AP2M1: variants seen among roughly 807,000 people sequenced by gnomAD.
The protein encoded by AP2M1 is AP-2 complex subunit mu.
A neutral mutation model predicts 54.5 loss-of-function variants in AP2M1; 5 were observed. That is an observed-to-expected ratio of 0.09 (90% CI 0.05 to 0.19). AP2M1 has a LOEUF of 0.19. Among genes scored for constraint, AP2M1 ranks in the 10% least tolerant of loss-of-function variants. The probability of loss-of-function intolerance (pLI) is 1.00; values close to 1 mark genes in which losing one functional copy is unlikely to be tolerated. For missense variants in AP2M1, 178 were observed against 580.2 expected (o/e 0.31, Z 7.12); for synonymous variants, 186 against 208.2 (o/e 0.89, Z 0.92).
chr3:184,177,501 G>GC (rs1237654749), intron 2 of AP2M1: 1 of 1,514,612 alleles, frequency 6.6e-7, no homozygotes, highest in Non-Finnish European at 8.9e-7. Flanking sequence ...TCTGTTGAAA[G>GC]CCCCTCCAGG....
Position 184,180,495 on chromosome 3 carries a change from G to C in AP2M1, c.424-150G>C. 7.8e-7 allele frequency: 1 copy of C among 1,279,026 alleles called. No individual in the cohort carries two copies. Among genetic ancestry groups the C allele is most frequent in the Non-Finnish European group, 1.1e-6 (1 of 906,966 alleles). 79.2% of individuals were successfully genotyped at this position (1,279,026 alleles called of 1,614,324 possible). The stretch of plus-strand genomic sequence containing the variant: ...CAGTTTCCTTTTGCACTGAGGGGTG[G>C]GGGAGGAGGCCTGGTCTTGAGGCCT... On this transcript the variant is annotated intron_variant, in intron 4 of 11. Transcript: ENST00000292807. This position sits in a 1 kb window ranked among gnomAD's most constrained non-coding sequence, Gnocchi z 4.9.
Position 184,181,329 on chromosome 3 carries a change from G to A in AP2M1, c.707+103G>A, listed in dbSNP as rs368887600. On this transcript the variant is annotated intron_variant, in intron 7 of 11. Coordinates refer to ENST00000292807, the MANE Select transcript of AP2M1 (RefSeq NM_004068.4). This position sits in a 1 kb window ranked among gnomAD's most constrained non-coding sequence, Gnocchi z 5.7. ...TCTGGATTTCATTCCCACTGTAATT[G>A]CAAACTCTGTTCCTGACGGTAAGCC... 1 of 1,529,258 alleles carries A rather than the reference G, an allele frequency of 6.5e-7. No homozygotes were observed. The highest frequency in any genetic ancestry group is 8.9e-7 in the Non-Finnish European group (1 of 1,118,960). The allele number at this position is 1,529,258 out of a possible 1,614,324, so 94.7% of individuals were successfully genotyped here. A position where few individuals can be genotyped will look rare whatever the true frequency, so the allele number is the denominator to read the frequency against.
At chr3:184,175,127 CG>C in intron 1 of AP2M1, 168 bp downstream of exon 1, 1 of 395,612 alleles carries the variant, frequency 2.5e-6, no homozygotes, top group Non-Finnish European at 4.5e-6. Context: ...CGGGGGCGCC[CG>C]GGGCGCGATT....
rs1471881052 is a variant in AP2M1, at chr3:184,176,850, G to C, written c.-43-101G>C. 34 of 761,268 alleles carry C rather than the reference G, an allele frequency of 4.5e-5. No homozygotes were observed. In the South Asian group the frequency reaches 6.6e-4, roughly 15 times the overall value. The allele number at this position is 761,268 out of a possible 1,614,324, so 47.2% of individuals were successfully genotyped here. A position where few individuals can be genotyped will look rare whatever the true frequency, so the allele number is the denominator to read the frequency against. ...GAGGGCTGCAGGGTCACTTACTAAA[G>C]GGTTGAGTCAGGAAAGAAGCTCCAG... is the stretch of plus-strand genomic sequence containing the variant. On this transcript the variant is annotated intron_variant, in intron 1 of 11. Transcript: ENST00000292807.
At chr3:184,177,561 C>CT in intron 2 of AP2M1, 1 of 1,536,018 alleles carries the variant, frequency 6.5e-7, no homozygotes, top group African/African-American at 1.4e-5. Context: ...AGGCTGCTGA[C>CT]TCAGCTGTCT....
Position 184,182,993 on chromosome 3 carries a change from A to C in AP2M1, c.1173+125A>C. The C allele has an allele frequency of 1.2e-6, 1 of 807,332 alleles. No individual in the cohort carries two copies. The highest frequency in any genetic ancestry group is 2.1e-6 in the Non-Finnish European group (1 of 470,382). The allele number at this position is 807,332 out of a possible 1,614,324, so 50.0% of individuals were successfully genotyped here. A position where few individuals can be genotyped will look rare whatever the true frequency, so the allele number is the denominator to read the frequency against. ...AGGCCTAGAAAGAAGAACTGGCTTTAATTCATAGATCCATTCTTCCCCTTT... is the reference window on the plus strand; with the variant it reads ...AGGCCTAGAAAGAAGAACTGGCTTTCATTCATAGATCCATTCTTCCCCTTT... On this transcript the variant is annotated intron_variant, in intron 11 of 11. Coordinates refer to ENST00000292807, the MANE Select transcript of AP2M1 (RefSeq NM_004068.4). The surrounding 1 kb of genome is among the most constrained non-coding windows in gnomAD (Gnocchi z 5.5).
intron 1 of AP2M1, among the ~76,000 whole-genome samples, chr3:184,176,539 C>G (rs1198005580): frequency 6.6e-6 from 1 of 152,194 alleles, no homozygotes; most frequent in Non-Finnish European, 1.5e-5. Context: ...CAGGCCTGAA[C>G]CAACTGGAGT....
Position 184,178,728 on chromosome 3 carries a change from GCTTTCTTTGGAGTGT to G in AP2M1, c.75-128_75-114del. ...AACCACTCCAGTGGTTTAGGCATTGGCTTTCTTTGGAGTGTGTGTGTCAGACTTCTGCAGAAAGGA... is the reference window on the plus strand; with the variant it reads ...AACCACTCCAGTGGTTTAGGCATTGGGTGTGTCAGACTTCTGCAGAAAGGA... On this transcript the variant is annotated intron_variant, in intron 2 of 11. Coordinates refer to ENST00000292807, the MANE Select transcript of AP2M1 (RefSeq NM_004068.4). This position sits in a 1 kb window ranked among gnomAD's most constrained non-coding sequence, Gnocchi z 4.9. 1 of 1,214,534 alleles carries G rather than the reference GCTTTCTTTGGAGTGT, an allele frequency of 8.2e-7. No homozygotes were observed. The highest frequency in any genetic ancestry group is 1.1e-6 in the Non-Finnish European group (1 of 873,998). 75.2% of individuals were successfully genotyped at this position (1,214,534 alleles called of 1,614,324 possible).
In AP2M1 at chr3:184,183,079, G is replaced by A; in HGVS notation, c.1173+211G>A. ...GCAAATCTTTTACTTCTCTCGGCTT[G>A]TCCTAACACAGTTCTTTCAAAAAAC... On this transcript the variant is annotated intron_variant, in intron 11 of 11. Transcript: ENST00000292807. The surrounding 1 kb of genome is among the most constrained non-coding windows in gnomAD (Gnocchi z 5.7). 3.3e-6 allele frequency: 2 copies of A among 609,782 alleles called. No individual in the cohort carries two copies. Among genetic ancestry groups the A allele is most frequent in the East Asian group, 2.9e-5 (1 of 35,010 alleles). 37.8% of individuals were successfully genotyped at this position (609,782 alleles called of 1,614,324 possible).
chr3:184,183,263 C>T lies in AP2M1; in HGVS notation c.1174-219C>T, dbSNP rs1395777415. 5.4e-5 allele frequency: 33 copies of T among 608,670 alleles called. 1 individual carries two copies. Among genetic ancestry groups the T allele is most frequent in the South Asian group, 3.5e-4 (17 of 48,684 alleles). 37.7% of individuals were successfully genotyped at this position (608,670 alleles called of 1,614,324 possible). On this transcript the variant is annotated intron_variant, in intron 11 of 11. Transcript: ENST00000292807. The surrounding 1 kb of genome is among the most constrained non-coding windows in gnomAD (Gnocchi z 5.7). Reference sequence around the variant, plus strand: ...ATGTTCTAAAGCAGTTCTTTGGTTGCTGTCTCCTGCTGATTAAAGGAACTG... The same window carrying T: ...ATGTTCTAAAGCAGTTCTTTGGTTGTTGTCTCCTGCTGATTAAAGGAACTG...
At chr3:184,175,064 CA>C in intron 1 of AP2M1, 105 bp downstream of exon 1, 3 of 397,106 alleles carry the variant, frequency 7.6e-6, no homozygotes, top group Non-Finnish European at 1.3e-5. Context: ...GAAAGCTGCC[CA>C]CACCCGGGAG....
chr3:184,176,916 G>A (rs1230728819), intron 1 of AP2M1, 35 bp from the exon 2 acceptor site: 4 of 1,470,672 alleles, frequency 2.7e-6, no homozygotes. Flanking sequence ...CAGCGATTCT[G>A]AGGTCTTCTT....
Position 184,182,609 on chromosome 3 carries a change from A to C in AP2M1, c.1062-148A>C. 1 of 648,104 alleles carries C rather than the reference A, an allele frequency of 1.5e-6. No homozygotes were observed. The highest frequency in any genetic ancestry group is 2.7e-6 in the Non-Finnish European group (1 of 368,638). 40.1% of individuals were successfully genotyped at this position (648,104 alleles called of 1,614,324 possible). A position where few individuals can be genotyped will look rare whatever the true frequency, so the allele number is the denominator to read the frequency against. On this transcript the variant is annotated intron_variant, in intron 10 of 11. Transcript: ENST00000292807. The surrounding 1 kb of genome is among the most constrained non-coding windows in gnomAD (Gnocchi z 5.5). ...TCTAAAGAAGTAGACCCAAGTTTCC[A>C]TAGCAAGTGGTTAGCAGGGTCCTGA...
intron 3 of AP2M1, chr3:184,179,462 A>G: frequency 6.5e-6 from 2 of 307,424 alleles, no homozygotes; most frequent in South Asian, 7.4e-5. Flanking sequence ...TTTCCATCTC[A>G]GCAGCTGCTT....
chr3:184,176,782 T>C (rs1560125105), intron 1 of AP2M1, 169 bp from the exon 2 acceptor site: 1 of 535,938 alleles, frequency 1.9e-6, no homozygotes, highest in Non-Finnish European at 3.3e-6. Flanking sequence ...TAGTGTGGAA[T>C]AAACAGGAAC....
Position 184,183,328 on chromosome 3 carries a change from C to G in AP2M1, c.1174-154C>G. 8.8e-7 allele frequency: 1 copy of G among 1,140,144 alleles called. No homozygotes were observed. Among genetic ancestry groups the G allele is most frequent in the South Asian group, 1.5e-5 (1 of 66,324 alleles). The allele number at this position is 1,140,144 out of a possible 1,614,324, so 70.6% of individuals were successfully genotyped here. Reference sequence around the variant, plus strand: ...AGGTAGGGCTTTCTTCTTTAGTCACCTCTTAGAAGGTCCCACGCCGCCCCA... The same window carrying G: ...AGGTAGGGCTTTCTTCTTTAGTCACGTCTTAGAAGGTCCCACGCCGCCCCA... On this transcript the variant is annotated intron_variant, in intron 11 of 11. Coordinates refer to ENST00000292807, the MANE Select transcript of AP2M1 (RefSeq NM_004068.4). The surrounding 1 kb of genome is among the most constrained non-coding windows in gnomAD (Gnocchi z 5.7).
intron 1 of AP2M1, chr3:184,176,640 C>T: frequency 5.5e-6 from 2 of 363,324 alleles, no homozygotes; most frequent in Non-Finnish European, 9.8e-6. Context: ...AGGAGGGGGC[C>T]GAAAAGGATC....
chr3:184,177,692 T>C, intron 2 of AP2M1: 1 of 1,342,310 alleles, frequency 7.4e-7, no homozygotes, highest in Non-Finnish European at 1.0e-6. Flanking sequence ...CTCCATATCC[T>C]GGGCCTTCAC....
chr3:184,182,596 G>C lies in AP2M1; in HGVS notation c.1062-161G>C. 6.6e-6 allele frequency among the ~76,000 whole-genome samples: 1 copy of C among 152,132 alleles called. No homozygotes were observed. Among genetic ancestry groups the C allele is most frequent in the East Asian group, 1.9e-4 (1 of 5,184 alleles). ...TGCATCCTGTTGTTCTAAAGAAGTA[G>C]ACCCAAGTTTCCATAGCAAGTGGTT... On this transcript the variant is annotated intron_variant, in intron 10 of 11. Coordinates refer to ENST00000292807, the MANE Select transcript of AP2M1 (RefSeq NM_004068.4). This position sits in a 1 kb window ranked among gnomAD's most constrained non-coding sequence, Gnocchi z 5.5.
Sources: allele counts gnomAD v4.1 joint callset (sites outside exome capture counted in the v4.1 genomes callset), GRCh38; gene constraint gnomAD v4.1.1; non-coding constraint Gnocchi (gnomAD v3.1); transcripts MANE v1.5; gene names NCBI Gene and HGNC (gene_info 2026-07-23, HGNC 2026-07-21).